GUCY1A1: variants seen among roughly 807,000 people sequenced by gnomAD.
GUCY1A1 encodes guanylate cyclase soluble subunit alpha-1.
GUCY1A1 carries 48 observed loss-of-function variants against 64.5 expected under a neutral mutation model. The observed-to-expected ratio is 0.74, with a 90% CI of 0.59 to 0.95. The LOEUF is 0.95. GUCY1A1 is among the 40% of genes least tolerant of loss of function. The pLI is 0.00. For synonymous variants in GUCY1A1, 308 were observed against 303.4 expected (o/e 1.02, Z -0.16); for missense variants, 804 against 825.3 (o/e 0.97, Z 0.32).
chr4:155,709,572 G>A (rs552227745), intron 5 of GUCY1A1, among the ~76,000 whole-genome samples: 65 of 152,260 alleles, frequency 4.3e-4, no homozygotes, highest in Non-Finnish European at 7.9e-4. Context: ...GGTGGTTCAC[G>A]CCTATAATCC....
chr4:155,710,975 A>C lies in GUCY1A1; in HGVS notation c.810A>C (p.Lys270Asn). 1.2e-6 allele frequency: 2 copies of C among 1,612,896 alleles called. No homozygotes were observed. Among genetic ancestry groups the C allele is most frequent in the Non-Finnish European group, 8.5e-7 (1 of 1,179,080 alleles). Residue 270 changes from lysine (K) to asparagine (N), a missense_variant, in exon 6 of 10, where the codon AAA becomes AAC. Lys to Asn is a moderately conservative substitution (Grantham distance 94). Coordinates refer to ENST00000506455, the MANE Select transcript of GUCY1A1 (RefSeq NM_001130682.3). Reference sequence around the variant, plus strand: ...CCAAGCCATCCCTGTCCCCCAGCAAACCCCAGTCCTCGCTGGTGATTCCCA... The same window carrying C: ...CCAAGCCATCCCTGTCCCCCAGCAACCCCCAGTCCTCGCTGGTGATTCCCA... ...KSTKPSLSPS[K>N]PQSSLVIPTS...
chr4:155,667,879 G>C (rs1223497460), intron 2 of GUCY1A1: 4 of 152,400 alleles, frequency 2.6e-5, no homozygotes, highest in Non-Finnish European at 5.9e-5. Context: ...AGGCAGCAGG[G>C]CTGGAGGCGG....
intron 2 of GUCY1A1, among the ~76,000 whole-genome samples, chr4:155,670,136 T>A (rs959576352): frequency 3.9e-5 from 6 of 152,326 alleles, no homozygotes; most frequent in African/African-American, 1.4e-4. Flanking sequence ...TTGGCTTTTA[T>A]TTGTGAGAAT....
At chr4:155,709,056 GT>G (rs1732185651) in intron 5 of GUCY1A1, among the ~76,000 whole-genome samples, 1 of 152,156 alleles carries the variant, frequency 6.6e-6, no homozygotes, top group Non-Finnish European at 1.5e-5. Context: ...AAAATAGCAT[GT>G]TTTATTTAAT....
intron 7 of GUCY1A1, among the ~76,000 whole-genome samples, chr4:155,714,512 A>G (rs1439739200): frequency 6.6e-6 from 1 of 152,224 alleles, no homozygotes; most frequent in African/African-American, 2.4e-5. Context: ...TTTAGAATTA[A>G]AAGTTTTTAC....
chr4:155,724,785 A>G (rs995174615), intron 9 of GUCY1A1, among the ~76,000 whole-genome samples: 1 of 152,010 alleles, frequency 6.6e-6, no homozygotes, highest in African/African-American at 2.4e-5. Flanking sequence ...TCTTTCGCCC[A>G]TCCTGTGATT....
intron 5 of GUCY1A1, among the ~76,000 whole-genome samples, chr4:155,709,214 A>C (rs1290337777): frequency 2.0e-5 from 3 of 151,838 alleles, no homozygotes; most frequent in Non-Finnish European, 4.4e-5. Context: ...ACCTTCTTAC[A>C]TTCACTCGTG....
At chr4:155,723,627 C>CATTTATTT (rs3070258) in intron 9 of GUCY1A1, among the ~76,000 whole-genome samples, 1 of 147,632 alleles carries the variant, frequency 6.8e-6, no homozygotes, top group Admixed American at 6.7e-5. Flanking sequence ...TCTTCTTCTG[C>CATTTATTT]ATTTATTTAT....
In GUCY1A1 at chr4:155,734,086, C is replaced by A. The variant is rs1331286838; in HGVS notation, c.*3855C>A. On this transcript the variant is annotated 3_prime_UTR_variant, in exon 10 of 10. Transcript: ENST00000506455. ...ATTTCTTCTCCCTGATATTTCCAGCCACGCCAAGGCAAAGACTTCCCAGCT... is the reference window on the plus strand; with the variant it reads ...ATTTCTTCTCCCTGATATTTCCAGCAACGCCAAGGCAAAGACTTCCCAGCT... 1.3e-5 allele frequency among the ~76,000 whole-genome samples: 2 copies of A among 151,840 alleles called. No homozygotes were observed. The highest frequency in any genetic ancestry group is 2.9e-5 in the Non-Finnish European group (2 of 67,896).
intron 7 of GUCY1A1, among the ~76,000 whole-genome samples, chr4:155,714,195 T>A (rs1223315193): frequency 2.0e-5 from 3 of 152,230 alleles, no homozygotes; most frequent in Non-Finnish European, 4.4e-5. Context: ...GTTCTCTGCC[T>A]TACTTGCTTT....
intron 4 of GUCY1A1, among the ~76,000 whole-genome samples, chr4:155,705,733 C>A (rs1237342803): frequency 6.6e-6 from 1 of 152,126 alleles, no homozygotes; most frequent in Non-Finnish European, 1.5e-5. Flanking sequence ...CATGAGTGAT[C>A]ATCTGCTCTG....
intron 2 of GUCY1A1, among the ~76,000 whole-genome samples, chr4:155,674,900 G>T (rs1010261981): frequency 6.6e-6 from 1 of 151,560 alleles, no homozygotes; most frequent in Non-Finnish European, 1.5e-5. Context: ...ATATACCGTA[G>T]GTAATTGTAT....
At position 155,730,301 on chromosome 4, in the gene GUCY1A1, C is replaced by T; in HGVS notation, c.*70C>T. 1 of 937,678 alleles carries T rather than the reference C, an allele frequency of 1.1e-6. No individual in the cohort carries two copies. The highest frequency in any genetic ancestry group is 1.5e-5 in the South Asian group (1 of 68,820). 58.1% of individuals were successfully genotyped at this position (937,678 alleles called of 1,614,324 possible). ...AAGATGTGTAGAGCCTCTGAAAGCA[C>T]TTTAGGGATTGTAGATGGCTAACAA... On this transcript the variant is annotated 3_prime_UTR_variant, in exon 10 of 10. Coordinates refer to ENST00000506455, the MANE Select transcript of GUCY1A1 (RefSeq NM_001130682.3).
chr4:155,704,187 T>C (rs1290806045), intron 4 of GUCY1A1, among the ~76,000 whole-genome samples, 194 bp downstream of exon 4: 1 of 152,206 alleles, frequency 6.6e-6, no homozygotes. Context: ...ATGATTAAAC[T>C]CAGGTTTATA....
chr4:155,696,989 A>C lies in GUCY1A1; in HGVS notation c.122A>C (p.Lys41Thr). ...GCAGCAGGAAGCTCAGAGAGCTGCA[A>C]AGCAACCGTGCCCATCTGTCAAGAC... ...EEAAGSSESC[K>T]ATVPICQDIP... is the part of the protein sequence containing the mutation. Residue 41 changes from lysine (K) to threonine (T), a missense_variant, in exon 3 of 10, where the codon AAA (lysine) becomes ACA (threonine). By Grantham distance (78) the Lys-to-Thr change is moderately conservative. Transcript: ENST00000506455. The C allele has an allele frequency of 6.2e-7, 1 of 1,613,872 alleles. No homozygotes were observed. The highest frequency in any genetic ancestry group is 1.1e-5 in the South Asian group (1 of 91,068).
chr4:155,684,361 T>C (rs1728687074), intron 2 of GUCY1A1, among the ~76,000 whole-genome samples: 1 of 132,222 alleles, frequency 7.6e-6, no homozygotes, highest in Non-Finnish European at 1.6e-5. Flanking sequence ...TGTAAAAACT[T>C]GGCAGAATTG....
intron 9 of GUCY1A1, among the ~76,000 whole-genome samples, chr4:155,729,738 A>AT (rs926812900): frequency 2.0e-5 from 3 of 151,834 alleles, no homozygotes; most frequent in African/African-American, 4.8e-5. Flanking sequence ...TCTTTGGATT[A>AT]TTTTTTCACT....
chr4:155,720,068 A>G (rs1379241952), intron 8 of GUCY1A1, among the ~76,000 whole-genome samples: 2 of 152,148 alleles, frequency 1.3e-5, no homozygotes, highest in Non-Finnish European at 2.9e-5. Context: ...TCAAAACTGG[A>G]GAAGGGGAGG....
intron 2 of GUCY1A1, among the ~76,000 whole-genome samples, chr4:155,691,972 T>A (rs1204598687): frequency 6.6e-6 from 1 of 152,134 alleles, no homozygotes; most frequent in Non-Finnish European, 1.5e-5. Context: ...AAGGCCCCAG[T>A]GAGTGTTGTT....
Sources: allele counts gnomAD v4.1 joint callset (sites outside exome capture counted in the v4.1 genomes callset), GRCh38; gene constraint gnomAD v4.1.1; transcripts MANE v1.5; gene names NCBI Gene and HGNC (gene_info 2026-07-23, HGNC 2026-07-21).